Variants in MACROD2 observed in about 807,000 individuals in gnomAD.
MACROD2 encodes ADP-ribose glycohydrolase MACROD2.
MACROD2 carries 36 observed loss-of-function variants against 70.4 expected under a neutral mutation model. The ratio of observed to expected loss-of-function variants is 0.51; its 90% CI spans 0.39 to 0.68. MACROD2 has a LOEUF of 0.68. Ranked by LOEUF, MACROD2 falls within the 30% of genes least tolerant of loss-of-function variation. The pLI is 0.00. For missense variants in MACROD2, 496 were observed against 538.4 expected, an observed-to-expected ratio of 0.92 and a Z score of 0.78; for synonymous variants, 172 against 178.8, an observed-to-expected ratio of 0.96 and a Z score of 0.30.
chr20:15,209,269 C>T (rs1433053269), intron 5 of MACROD2, among the ~76,000 whole-genome samples: 2 of 152,038 alleles, frequency 1.3e-5, no homozygotes, highest in East Asian at 3.9e-4. Flanking sequence ...GGGCTGCCTT[C>T]TTCTGTTCAC....
intron 6 of MACROD2, among the ~76,000 whole-genome samples, chr20:15,362,499 T>C (rs924829422): frequency 3.3e-5 from 5 of 152,194 alleles, no homozygotes; most frequent in South Asian, 2.1e-4. Flanking sequence ...TTAAAAAATA[T>C]TATGAATAGA....
intron 3 of MACROD2, among the ~76,000 whole-genome samples, chr20:14,115,256 T>A (rs1569164788): frequency 6.6e-6 from 1 of 152,104 alleles, no homozygotes; most frequent in Non-Finnish European, 1.5e-5. Context: ...ACCATCACTG[T>A]CACTGTGATG....
intron 8 of MACROD2, among the ~76,000 whole-genome samples, chr20:15,563,531 C>G (rs550542598): frequency 6.6e-6 from 1 of 152,206 alleles, no homozygotes; most frequent in East Asian, 1.9e-4. Flanking sequence ...AGTAAACCAT[C>G]TTAAAAGAAA....
intron 8 of MACROD2, among the ~76,000 whole-genome samples, chr20:15,652,722 A>G (rs1006984463): frequency 6.6e-6 from 1 of 151,574 alleles, no homozygotes; most frequent in Non-Finnish European, 1.5e-5. Flanking sequence ...GTGGTTTCCT[A>G]GCTCTTTTTT....
intron 10 of MACROD2, among the ~76,000 whole-genome samples, chr20:15,915,262 G>A (rs2065297210): frequency 1.3e-5 from 2 of 152,030 alleles, no homozygotes; most frequent in South Asian, 2.1e-4. Context: ...TGGGTGCCCT[G>A]GCAATTAGCC....
chr20:14,243,971 A>G (rs2081949152), intron 3 of MACROD2, among the ~76,000 whole-genome samples: 1 of 152,220 alleles, frequency 6.6e-6, no homozygotes, highest in African/African-American at 2.4e-5. Flanking sequence ...TGCTGGCTAC[A>G]CATCTTATTG....
intron 2 of MACROD2, among the ~76,000 whole-genome samples, chr20:14,029,002 C>T (rs1316605658): frequency 4.6e-5 from 7 of 152,066 alleles, no homozygotes; most frequent in Non-Finnish European, 7.4e-5. Context: ...TTCTTCTTAA[C>T]CATTGATACT....
At chr20:14,519,708 T>G (rs2085142877) in intron 4 of MACROD2, among the ~76,000 whole-genome samples, 1 of 152,188 alleles carries the variant, frequency 6.6e-6, no homozygotes, top group Non-Finnish European at 1.5e-5. Flanking sequence ...AGCAACCCCA[T>G]TATTGGGTAT....
chr20:15,514,141 T>A (rs1031105899), intron 8 of MACROD2, among the ~76,000 whole-genome samples: 2 of 152,158 alleles, frequency 1.3e-5, no homozygotes, highest in African/African-American at 4.8e-5. Flanking sequence ...GTTTAAAAAA[T>A]AAAAAATACA....
chr20:15,699,271 C>A (rs1273220850), intron 8 of MACROD2, among the ~76,000 whole-genome samples: 1 of 152,050 alleles, frequency 6.6e-6, no homozygotes, highest in Non-Finnish European at 1.5e-5. Flanking sequence ...ATGGGGTGTT[C>A]CCTTGATGTA....
chr20:15,994,661 C>G (rs2066603425), intron 15 of MACROD2, among the ~76,000 whole-genome samples: 1 of 152,096 alleles, frequency 6.6e-6, no homozygotes, highest in Non-Finnish European at 1.5e-5. Context: ...GCTTGTAAGT[C>G]TCTTAAGACT....
intron 8 of MACROD2, among the ~76,000 whole-genome samples, chr20:15,608,246 G>T (rs1283777994): frequency 2.0e-5 from 3 of 152,114 alleles, no homozygotes; most frequent in Non-Finnish European, 4.4e-5. Context: ...TTTCAAACGT[G>T]CACTCTCTCC....
At chr20:14,742,696 A>G (rs1319392229) in intron 5 of MACROD2, among the ~76,000 whole-genome samples, 2 of 152,030 alleles carry the variant, frequency 1.3e-5, no homozygotes, top group African/African-American at 2.4e-5. Context: ...AATATTGAAA[A>G]GAGGAAAAGA....
chr20:14,815,622 A>C (rs1361668214), intron 5 of MACROD2, among the ~76,000 whole-genome samples: 1 of 152,048 alleles, frequency 6.6e-6, no homozygotes, highest in Non-Finnish European at 1.5e-5. Context: ...CTGTAGCTAA[A>C]TACTAGGCTA....
chr20:14,779,461 G>A (rs1305568918), intron 5 of MACROD2, among the ~76,000 whole-genome samples: 1 of 152,098 alleles, frequency 6.6e-6, no homozygotes, highest in African/African-American at 2.4e-5. Flanking sequence ...GTCATCATGT[G>A]TAGGTCCTCT....
chr20:14,845,100 TTC>T (rs542310992), intron 5 of MACROD2, among the ~76,000 whole-genome samples: 5 of 152,198 alleles, frequency 3.3e-5, no homozygotes, highest in South Asian at 2.1e-4. Context: ...AGCAACCTCT[TTC>T]TCTCTCATGT....
chr20:15,360,004 C>T (rs1200960049), intron 6 of MACROD2, among the ~76,000 whole-genome samples: 1 of 152,174 alleles, frequency 6.6e-6, no homozygotes, highest in Non-Finnish European at 1.5e-5. Flanking sequence ...GTCAAACTCA[C>T]TCCCACCCAC....
At chr20:15,259,482 TTTA>T (rs1167402590) in intron 6 of MACROD2, among the ~76,000 whole-genome samples, 31 of 152,192 alleles carry the variant, frequency 2.0e-4, no homozygotes, top group Admixed American at 4.6e-4. Flanking sequence ...GAGACATTAC[TTTA>T]TACTTTGCTG....
At chr20:15,158,256 C>G (rs1483307712) in intron 5 of MACROD2, among the ~76,000 whole-genome samples, 6 of 152,132 alleles carry the variant, frequency 3.9e-5, no homozygotes, top group African/African-American at 1.4e-4. Context: ...ATCTCTTCCT[C>G]TTTGTTAAAA....
Sources: gnomAD v4.1 joint callset for allele counts (sites outside exome capture counted in the v4.1 genomes callset) on GRCh38, gnomAD v4.1.1 for gene constraint, MANE v1.5 for transcripts, NCBI Gene and HGNC (gene_info 2026-07-23, HGNC 2026-07-21) for gene names.